Variants in BIN3 observed in about 807,000 individuals in gnomAD.
BIN3 encodes the protein bridging integrator 3.
A neutral mutation model predicts 38.2 loss-of-function variants in BIN3; 41 were observed. The ratio of observed to expected loss-of-function variants is 1.07; its 90% CI spans 0.84 to 1.39. The LOEUF (loss-of-function observed/expected upper bound fraction) is 1.39. Among genes scored for constraint, BIN3 ranks in the 40% most tolerant of loss-of-function variants. BIN3 has a pLI of 0.00. For missense variants in BIN3, 361 were observed against 324.3 expected (o/e 1.11, Z -0.87); for synonymous variants, 145 against 122.6 (o/e 1.18, Z -1.21).
intron 7 of BIN3, 54 bp downstream of exon 7, chr8:22,624,168 G>A (rs936983377): frequency 3.1e-5 from 49 of 1,595,276 alleles, no homozygotes; most frequent in Non-Finnish European, 4.0e-5. Context: ...ACTTACCACA[G>A]GTGACCACGA....
intron 6 of BIN3, among the ~76,000 whole-genome samples, chr8:22,628,247 C>A (rs911701965): frequency 6.6e-6 from 1 of 152,198 alleles, no homozygotes; most frequent in Admixed American, 6.5e-5. Context: ...GATTAGAGGC[C>A]GAGCCCCTGC....
At position 22,625,508 on chromosome 8, in the gene BIN3, G is replaced by A. The variant is rs114111532; in HGVS notation, c.339-1145C>T. Reference sequence around the variant, plus strand: ...CATAGGCACTCAGAGTTGAGAGGATGCTGGCAGACTCACTGTCAGGTTCCA... The same window carrying A: ...CATAGGCACTCAGAGTTGAGAGGATACTGGCAGACTCACTGTCAGGTTCCA... On this transcript the variant is annotated intron_variant, in intron 6 of 8. Transcript: ENST00000276416. 2,248 of 675,658 alleles carry A rather than the reference G, an allele frequency of 3.3e-3. 41 individuals carry two copies. In the African/African-American group the frequency reaches 0.035, roughly 10 times the overall value. The allele number at this position is 675,658 out of a possible 1,614,324, so 41.9% of individuals were successfully genotyped here.
chr8:22,662,860 G>A (rs930056322), intron 1 of BIN3, among the ~76,000 whole-genome samples: 1 of 152,168 alleles, frequency 6.6e-6, no homozygotes, highest in African/African-American at 2.4e-5. Flanking sequence ...AACAAGGCTG[G>A]CCGCGGTGGC....
At chr8:22,637,808 G>A (rs1802421819) in intron 2 of BIN3, among the ~76,000 whole-genome samples, 1 of 152,214 alleles carries the variant, frequency 6.6e-6, no homozygotes, top group Non-Finnish European at 1.5e-5. Context: ...GCCGTCAGGT[G>A]CCAGCTTCGG....
chr8:22,623,821 G>A lies in BIN3; in HGVS notation c.615+94C>T, dbSNP rs543763544. 66 of 1,453,162 alleles carry A rather than the reference G, an allele frequency of 4.5e-5. No homozygotes were observed. In the African/African-American group the frequency reaches 4.6e-4, roughly 10 times the overall value. The allele number at this position is 1,453,162 out of a possible 1,614,324, so 90.0% of individuals were successfully genotyped here. ...CCTGGGGTGGGTGCCCTGTCTTTAC[G>A]GAGAATGGCTAAGCCACCCTTCCAG... On this transcript the variant is annotated intron_variant, in intron 8 of 8. Transcript: ENST00000276416.
At chr8:22,654,343 T>C (rs2117582377) in intron 1 of BIN3, among the ~76,000 whole-genome samples, 1 of 152,358 alleles carries the variant, frequency 6.6e-6, no homozygotes, top group East Asian at 1.9e-4. Context: ...TGGTTTATTT[T>C]TAAATAACAT....
chr8:22,660,351 T>C (rs1420044152), intron 1 of BIN3, among the ~76,000 whole-genome samples: 15 of 152,292 alleles, frequency 9.8e-5, no homozygotes, highest in Admixed American at 9.2e-4. Context: ...GCACCTCTAC[T>C]GGCCTCATCT....
chr8:22,625,276 C>G (rs1465879387), intron 6 of BIN3: 2 of 701,016 alleles, frequency 2.9e-6, no homozygotes, highest in Non-Finnish European at 5.2e-6. Flanking sequence ...GGAGGGCTGG[C>G]CCTCGGTGCA....
intron 1 of BIN3, 66 bp downstream of exon 1, chr8:22,668,978 G>A (rs1803517909): frequency 6.4e-7 from 1 of 1,550,486 alleles, no homozygotes; most frequent in Non-Finnish European, 8.7e-7. Flanking sequence ...ACGCGGCACT[G>A]ACACAGGGCC....
intron 4 of BIN3, among the ~76,000 whole-genome samples, chr8:22,631,269 C>T (rs1802192345): frequency 6.6e-6 from 1 of 152,150 alleles, no homozygotes; most frequent in South Asian, 2.1e-4. Context: ...CAAGACTCGC[C>T]CAGACACACA....
At chr8:22,644,842 T>C in intron 1 of BIN3, 39 bp from the exon 2 acceptor site, 1 of 1,567,096 alleles carries the variant, frequency 6.4e-7, no homozygotes, top group Non-Finnish European at 8.7e-7. Context: ...TTGTGAGAAG[T>C]GGGGAAGGAT....
chr8:22,657,002 A>G (rs565140440), intron 1 of BIN3, among the ~76,000 whole-genome samples: 1 of 152,358 alleles, frequency 6.6e-6, no homozygotes, highest in East Asian at 1.9e-4. Context: ...AACCCCTGTT[A>G]AGTACTGTAC....
intron 1 of BIN3, among the ~76,000 whole-genome samples, chr8:22,654,409 G>A (rs1236247213): frequency 2.6e-5 from 4 of 152,076 alleles, no homozygotes; most frequent in Non-Finnish European, 5.9e-5. Context: ...TATATTCCCA[G>A]AATTGTGCAA....
intron 1 of BIN3, among the ~76,000 whole-genome samples, chr8:22,651,006 G>C (rs573242264): frequency 3.3e-5 from 5 of 152,218 alleles, no homozygotes; most frequent in African/African-American, 9.6e-5. Context: ...CAAAGCTTTA[G>C]GGCATAGCAG....
intron 1 of BIN3, among the ~76,000 whole-genome samples, chr8:22,647,002 C>T (rs1022835172): frequency 2.6e-5 from 4 of 152,186 alleles, no homozygotes; most frequent in African/African-American, 9.7e-5. Context: ...AAAGCGCTCT[C>T]GACCCGGTAT....
rs577463470 is a variant in BIN3, at chr8:22,659,094, G to A, written c.8+9950C>T. Among the ~76,000 whole-genome samples, 11 of 152,354 alleles carry A rather than the reference G, an allele frequency of 7.2e-5. No individual in the cohort carries two copies. The South Asian group carries it at 1.9e-3, about 26-fold the overall frequency. On this transcript the variant is annotated intron_variant, in intron 1 of 8. Coordinates refer to ENST00000276416, the MANE Select transcript of BIN3 (RefSeq NM_018688.6). Reference sequence around the variant, plus strand: ...AGCCAGAGCCGGGGCAGGGCTTATCGAGAGCCATCTAGGTCCGGCAGAACA... The same window carrying A: ...AGCCAGAGCCGGGGCAGGGCTTATCAAGAGCCATCTAGGTCCGGCAGAACA...
Position 22,631,836 on chromosome 8 carries a change from G to C in BIN3, c.161-1258C>G, listed in dbSNP as rs139006860. On this transcript the variant is annotated intron_variant, in intron 4 of 8. Transcript: ENST00000276416. Reference sequence around the variant, plus strand: ...TCACAGGCGGCTCAGAGGCGGGCTGGAGACCTGCTGGCAGCTTTGGAGCTC... The same window carrying C: ...TCACAGGCGGCTCAGAGGCGGGCTGCAGACCTGCTGGCAGCTTTGGAGCTC... Among the ~76,000 whole-genome samples the C allele has an allele frequency of 1.9e-3, 291 of 152,358 alleles. 2 individuals are homozygous for C. The highest frequency in any genetic ancestry group is 3.7e-3 in the Non-Finnish European group (253 of 68,038).
intron 5 of BIN3, 57 bp from the exon 6 acceptor site, chr8:22,630,061 A>AGGGG: frequency 1.3e-6 from 2 of 1,512,864 alleles, no homozygotes; most frequent in Non-Finnish European, 1.8e-6. Context: ...GGCGACACGC[A>AGGGG]AGGCAGGGCC....
chr8:22,631,104 C>A (rs1802183378), intron 4 of BIN3, among the ~76,000 whole-genome samples: 1 of 152,164 alleles, frequency 6.6e-6, no homozygotes, highest in Admixed American at 6.5e-5. Flanking sequence ...GCTGTGAAAA[C>A]TGCCAGCGAC....
Sources: allele counts gnomAD v4.1 joint callset (sites outside exome capture counted in the v4.1 genomes callset), GRCh38; gene constraint gnomAD v4.1.1; transcripts MANE v1.5; gene names NCBI Gene and HGNC (gene_info 2026-07-23, HGNC 2026-07-21).